Variants in H6PD observed in about 807,000 individuals in gnomAD.
H6PD encodes the protein hexose-6-phosphate dehydrogenase/glucose 1-dehydrogenase.
Under a neutral mutation model 61.2 loss-of-function variants are expected in H6PD, and 48 were observed. The observed-to-expected ratio is 0.78, with a 90% CI of 0.62 to 1.00. H6PD has a LOEUF of 1.00. Among genes scored for constraint, H6PD ranks in the 50% least tolerant of loss-of-function variants. H6PD has a pLI of 0.00. For synonymous variants in H6PD, 480 were observed against 457.9 expected, an observed-to-expected ratio of 1.05 and a Z score of -0.62; for missense variants, 1,093 against 1,065.0, an observed-to-expected ratio of 1.03 and a Z score of -0.37.
chr1:9,237,197 C>T (rs941245397), intron 1 of H6PD, among the ~76,000 whole-genome samples: 1 of 149,308 alleles, frequency 6.7e-6, no homozygotes, highest in Non-Finnish European at 1.5e-5. Flanking sequence ...AATCCTATCA[C>T]CTCTAGCTGC....
At position 9,266,683 on chromosome 1, in the gene H6PD, G is replaced by A. The variant is rs938020117; in HGVS notation, c.*1814G>A. ...GCATGGCAAAGTCGGTTTCTCTCTG[G>A]ACTGTTTACACTTCAAGGCGGTGGA... On this transcript the variant is annotated 3_prime_UTR_variant, in exon 5 of 5. Transcript: ENST00000377403. 3 of 152,242 alleles carry A rather than the reference G, an allele frequency of 2.0e-5. No homozygotes were observed. Among genetic ancestry groups the A allele is most frequent in the Non-Finnish European group, 4.4e-5 (3 of 68,084 alleles). The allele number at this position is 152,242 out of a possible 1,614,324, so 9.4% of individuals were successfully genotyped here.
At chr1:9,249,026 G>A (rs1641275264) in intron 3 of H6PD, among the ~76,000 whole-genome samples, 1 of 152,198 alleles carries the variant, frequency 6.6e-6, no homozygotes, top group African/African-American at 2.4e-5. Context: ...AATTGGAGGG[G>A]GTCCTGCCCC....
intron 1 of H6PD, among the ~76,000 whole-genome samples, chr1:9,244,657 C>T (rs1641105280): frequency 1.3e-5 from 2 of 152,244 alleles, no homozygotes; most frequent in African/African-American, 2.4e-5. Context: ...TTCCTATGCT[C>T]CTGGCAGCAA....
intron 3 of H6PD, among the ~76,000 whole-genome samples, chr1:9,251,582 G>A (rs1198488941): frequency 1.3e-5 from 2 of 152,160 alleles, no homozygotes; most frequent in Non-Finnish European, 2.9e-5. Flanking sequence ...TGGAGTGACC[G>A]TTCAGTGCCT....
At chr1:9,261,674 C>T (rs1638300427) in intron 3 of H6PD, among the ~76,000 whole-genome samples, 1 of 152,214 alleles carries the variant, frequency 6.6e-6, no homozygotes, top group Non-Finnish European at 1.5e-5. Flanking sequence ...TGCTGCAGCC[C>T]CCGCCATGGT....
intron 3 of H6PD, among the ~76,000 whole-genome samples, chr1:9,251,013 C>G (rs1641344731): frequency 6.6e-6 from 1 of 152,194 alleles, no homozygotes; most frequent in African/African-American, 2.4e-5. Flanking sequence ...CCAGCTCCCT[C>G]TCAGCCTGAC....
At chr1:9,238,478 T>C (rs2100304015) in intron 1 of H6PD, among the ~76,000 whole-genome samples, 1 of 152,220 alleles carries the variant, frequency 6.6e-6, no homozygotes, top group African/African-American at 2.4e-5. Context: ...TGGCTGGCAC[T>C]GGAGTGGAGT....
At chr1:9,246,922 C>G in intron 2 of H6PD, 44 bp from the exon 3 acceptor site, 1 of 1,363,772 alleles carries the variant, frequency 7.3e-7, no homozygotes, top group Middle Eastern at 1.8e-4. Context: ...CCTCCTTCAT[C>G]GTGAGAGTAT....
chr1:9,264,053 G>T lies in H6PD; in HGVS notation c.1560G>T (p.Leu520Phe). ...LLDFEFSSGR[L>F]FFSQQQPEQL... ...ACTTTGAGTTCAGTAGCGGCCGGTT[G>T]TTCTTTTCCCAGCAGCAGCCGGAGC... The change falls in exon 5 of 5, where the codon TTG (leucine) becomes TTT (phenylalanine). Residue 520 changes from leucine (L) to phenylalanine (F), a missense_variant. Coordinates refer to ENST00000377403, the MANE Select transcript of H6PD (RefSeq NM_004285.4). 21 of 1,614,180 alleles carry T rather than the reference G, an allele frequency of 1.3e-5. No individual in the cohort carries two copies. Among genetic ancestry groups the T allele is most frequent in the Non-Finnish European group, 1.7e-5 (20 of 1,180,052 alleles).
chr1:9,253,184 CA>C (rs1376988275), intron 3 of H6PD, among the ~76,000 whole-genome samples: 1 of 152,140 alleles, frequency 6.6e-6, no homozygotes, highest in Non-Finnish European at 1.5e-5. Flanking sequence ...GCCAACCAGG[CA>C]AAGTCCATAA....
At chr1:9,257,695 C>G (rs1641562590) in intron 3 of H6PD, among the ~76,000 whole-genome samples, 1 of 152,168 alleles carries the variant, frequency 6.6e-6, no homozygotes, top group Non-Finnish European at 1.5e-5. Flanking sequence ...AAGCCAGGGC[C>G]CCTCAGAAGG....
Position 9,245,137 on chromosome 1 carries a change from C to G in H6PD, c.203C>G (p.Thr68Arg). 1 of 1,614,222 alleles carries G rather than the reference C, an allele frequency of 6.2e-7. No homozygotes were observed. The highest frequency in any genetic ancestry group is 1.1e-5 in the South Asian group (1 of 91,088). ...HSFSFHGAALTAPKQGQELMA... is the reference protein window; with the variant it reads ...HSFSFHGAALRAPKQGQELMA... ...TTTAGCTTCCATGGAGCTGCTCTGA[C>G]AGCCCCCAAGCAGGGTCAAGAGCTC... is the stretch of plus-strand genomic sequence containing the variant. Residue 68 changes from threonine to arginine, a missense_variant, in exon 2 of 5, where the codon ACA becomes AGA. Physicochemically the swap from Thr to Arg is moderately conservative, Grantham distance 71. Coordinates refer to ENST00000377403, the MANE Select transcript of H6PD (RefSeq NM_004285.4). The surrounding 1 kb of genome is among the most constrained non-coding windows in gnomAD (Gnocchi z 4.8).
chr1:9,253,328 T>C (rs971227712), intron 3 of H6PD, among the ~76,000 whole-genome samples: 3 of 152,106 alleles, frequency 2.0e-5, no homozygotes, highest in African/African-American at 4.8e-5. Flanking sequence ...AGGATAAAAA[T>C]AGGAAAGGGG....
At chr1:9,263,126 T>C (rs1190000471) in intron 4 of H6PD, among the ~76,000 whole-genome samples, 7 of 151,758 alleles carry the variant, frequency 4.6e-5, no homozygotes, top group Non-Finnish European at 1.0e-4. Context: ...GAAGCACGTT[T>C]CTCTGTAGGA....
chr1:9,247,815 G>A (rs115557717), intron 3 of H6PD, among the ~76,000 whole-genome samples: 201 of 143,510 alleles, frequency 1.4e-3, no homozygotes, highest in African/African-American at 5.4e-3. Context: ...ATGTCCTGTC[G>A]GTGAGGACAG....
intron 3 of H6PD, among the ~76,000 whole-genome samples, chr1:9,248,599 C>A (rs1323045247): frequency 1.3e-5 from 2 of 151,184 alleles, no homozygotes; most frequent in Middle Eastern, 3.2e-3. Context: ...TAGTTGGACA[C>A]CAGCCTGGGG....
At chr1:9,262,469 C>G (rs1201978038) in intron 4 of H6PD, 141 bp downstream of exon 4, 1 of 806,142 alleles carries the variant, frequency 1.2e-6, no homozygotes, top group Admixed American at 2.2e-5. Flanking sequence ...GGATGGCATT[C>G]CCCTGTCTCC....
intron 1 of H6PD, among the ~76,000 whole-genome samples, chr1:9,236,930 C>A (rs1486062684): frequency 6.6e-6 from 1 of 152,134 alleles, no homozygotes; most frequent in Admixed American, 6.5e-5. Flanking sequence ...GAGGCTTATA[C>A]ATGATGTCTT....
At chr1:9,240,060 T>C (rs1640952630) in intron 1 of H6PD, 3 of 1,199,630 alleles carry the variant, frequency 2.5e-6, no homozygotes, top group Non-Finnish European at 3.1e-6. Flanking sequence ...CTCTCAGGAT[T>C]AGAGTTGGAG....
Sources: gnomAD v4.1 joint callset for allele counts (sites outside exome capture counted in the v4.1 genomes callset) on GRCh38, gnomAD v4.1.1 for gene constraint, Gnocchi (gnomAD v3.1) non-coding constraint, MANE v1.5 for transcripts, NCBI Gene and HGNC (gene_info 2026-07-23, HGNC 2026-07-21) for gene names.